Variants in ITGAD observed in about 807,000 individuals in gnomAD.
The protein encoded by ITGAD is integrin subunit alpha D.
A neutral mutation model predicts 139.0 loss-of-function variants in ITGAD; 105 were observed. The observed-to-expected ratio is 0.76, with a 90% CI of 0.65 to 0.89. The LOEUF (loss-of-function observed/expected upper bound fraction) is 0.89, where lower values mean the gene tolerates loss of function less well. Among genes scored for constraint, ITGAD ranks in the 40% least tolerant of loss-of-function variants. The pLI is 0.00. For missense variants in ITGAD, 1,384 were observed against 1,487.3 expected (o/e 0.93, Z 1.14); for synonymous variants, 569 against 598.3 (o/e 0.95, Z 0.71).
At chr16:31,410,083 G>A (rs1017199906) in intron 10 of ITGAD, among the ~76,000 whole-genome samples, 1 of 152,086 alleles carries the variant, frequency 6.6e-6, no homozygotes, top group Non-Finnish European at 1.5e-5. Context: ...AGGTACCACC[G>A]TAAGGGCCTT....
At chr16:31,408,730 CAGAT>C (rs1234618642) in intron 10 of ITGAD, 1 of 509,734 alleles carries the variant, frequency 2.0e-6, no homozygotes, top group Non-Finnish European at 3.6e-6. Flanking sequence ...AAGAGCCTCT[CAGAT>C]AGCACTAAGC....
At chr16:31,416,318 T>G in intron 19 of ITGAD, 32 bp downstream of exon 19, 1 of 1,573,184 alleles carries the variant, frequency 6.4e-7, no homozygotes. Flanking sequence ...ATCCAGACAC[T>G]CAGGCTTCTG....
At position 31,415,295 on chromosome 16, in the gene ITGAD, T is replaced by C. The variant is rs147745565; in HGVS notation, c.2283+304T>C. ...GTTGTATCCTCCCACCCATTTTCCA[T>C]AGAGGAGCTAGAGTCGACTGGTCCT... On this transcript the variant is annotated intron_variant, in intron 18 of 29. Transcript: ENST00000389202. 4.1e-3 allele frequency among the ~76,000 whole-genome samples: 626 copies of C among 152,222 alleles called. 4 individuals are homozygous for C. The highest frequency in any genetic ancestry group is 0.014 in the African/African-American group (575 of 41,524).
chr16:31,404,232 C>G (rs1324879213), intron 7 of ITGAD: 1 of 153,666 alleles, frequency 6.5e-6, no homozygotes, highest in Admixed American at 6.4e-5. Context: ...TGCGCACCCC[C>G]TGTGCTACCC....
At chr16:31,394,376 C>G (rs776742678) in intron 2 of ITGAD, 35 bp downstream of exon 2, 1 of 1,502,858 alleles carries the variant, frequency 6.7e-7, no homozygotes, top group South Asian at 1.1e-5. Flanking sequence ...CCAACCTCCA[C>G]TACATCAAGT....
intron 20 of ITGAD, among the ~76,000 whole-genome samples, chr16:31,417,265 A>G (rs1237005122): frequency 7.2e-6 from 1 of 139,420 alleles, no homozygotes; most frequent in Non-Finnish European, 1.6e-5. Flanking sequence ...TTTTAGAGAC[A>G]GGGTCTCACC....
In ITGAD at chr16:31,414,606, G is replaced by A; in HGVS notation, c.2151+1G>A. On this transcript the variant is annotated splice_donor_variant, in intron 17 of 29. Coordinates refer to ENST00000389202, the MANE Select transcript of ITGAD (RefSeq NM_005353.3). LOFTEE classifies it high-confidence loss of function. ...TGAAACCCTGAAGCTGCTTTTGCCA[G>A]TGAGGACTTTGGGTTCTGGGAAGGG... 6.2e-7 allele frequency: 1 copy of A among 1,614,038 alleles called. No homozygotes were observed. The highest frequency in any genetic ancestry group is 8.5e-7 in the Non-Finnish European group (1 of 1,179,906).
In ITGAD at chr16:31,397,409, G is replaced by A. The variant is rs763017246; in HGVS notation, c.188G>A (p.Arg63Gln). The change falls in exon 3 of 30, where the codon CGG (arginine) becomes CAG (glutamine). Residue 63 changes from arginine (R) to glutamine (Q), a missense_variant. By Grantham distance (43) the Arg-to-Gln change is conservative. Transcript: ENST00000389202. ...LEVVAANQTG[R>Q]LYDCAAATGM... ...GTGGTGGCGGCCAACCAGACGGGAC[G>A]GCTGTATGACTGCGCAGCTGCCACC... 52 of 1,604,698 alleles carry A rather than the reference G, an allele frequency of 3.2e-5. No homozygotes were observed. The highest frequency in any genetic ancestry group is 1.6e-4 in the Middle Eastern group (1 of 6,068).
intron 20 of ITGAD, among the ~76,000 whole-genome samples, chr16:31,417,127 T>C (rs1259421821): frequency 1.3e-5 from 2 of 149,426 alleles, no homozygotes; most frequent in African/African-American, 4.9e-5. Context: ...CACTGCAGCC[T>C]AGACCTCTTG....
chr16:31,394,035 G>A (rs528197217), intron 1 of ITGAD, among the ~76,000 whole-genome samples: 1 of 150,672 alleles, frequency 6.6e-6, no homozygotes, highest in South Asian at 2.1e-4. Context: ...GGAAGCTGAG[G>A]CAAGAGAATC....
chr16:31,402,050 C>T, intron 5 of ITGAD, 65 bp from the exon 6 acceptor site: 1 of 1,565,604 alleles, frequency 6.4e-7, no homozygotes, highest in Non-Finnish European at 8.7e-7. Flanking sequence ...CTCTGTTGAG[C>T]AGGAGCTGCA....
chr16:31,416,281 C>T lies in ITGAD; in HGVS notation c.2352C>T (p.Phe784=), dbSNP rs1298084059. 6.2e-7 allele frequency: 1 copy of T among 1,601,392 alleles called. No homozygotes were observed. The highest frequency in any genetic ancestry group is 8.5e-7 in the Non-Finnish European group (1 of 1,172,708). ...CEGDLGVTLS[F]SGLQTLTVGS... ...GGGACCTGGGTGTCACCCTCAGCTT[C>T]TCAGGGTGAGCTGTAACTCCCTTCA... The change falls in exon 19 of 30, where the codon TTC becomes TTT. Residue 784 remains phenylalanine, a synonymous_variant. Transcript: ENST00000389202.
intron 2 of ITGAD, among the ~76,000 whole-genome samples, chr16:31,397,151 C>G (rs1051260933): frequency 1.4e-5 from 2 of 139,874 alleles, no homozygotes; most frequent in Admixed American, 1.5e-4. Flanking sequence ...TATGCACACT[C>G]AAAACCAAAT....
intron 9 of ITGAD, 126 bp from the exon 10 acceptor site, chr16:31,408,299 C>T (rs2081591300): frequency 2.6e-6 from 2 of 772,346 alleles, no homozygotes; most frequent in Non-Finnish European, 4.4e-6. Flanking sequence ...ATGGGCCATT[C>T]CTGTTCACAA....
rs2081831095 is a variant in ITGAD at position 31,414,523 on chromosome 16, A to G, written c.2069A>G (p.Asn690Ser). Reference sequence around the variant, plus strand: ...CGTCTGACTTCTCGTGCCATTTTCAATGAAACCAAGAACCCCACTTTGACT... The same window carrying G: ...CGTCTGACTTCTCGTGCCATTTTCAGTGAAACCAAGAACCCCACTTTGACT... The part of the protein sequence containing the change: ...PGRLTSRAIF[N>S]ETKNPTLTRR... The change falls in exon 17 of 30, where the codon AAT becomes AGT. Residue 690 changes from asparagine to serine, a missense_variant. Asn to Ser is a conservative substitution (Grantham distance 46, BLOSUM62 1). Transcript: ENST00000389202. The G allele has an allele frequency of 6.2e-7, 1 of 1,614,206 alleles. No individual in the cohort carries two copies. Among genetic ancestry groups the G allele is most frequent in the Non-Finnish European group, 8.5e-7 (1 of 1,180,036 alleles).
intron 5 of ITGAD, among the ~76,000 whole-genome samples, chr16:31,400,601 C>T (rs1471038530): frequency 2.6e-5 from 4 of 152,182 alleles, no homozygotes; most frequent in Admixed American, 6.5e-5. Context: ...TCTGAGGTCA[C>T]TTGGGAATGT....
At chr16:31,394,723 G>A (rs1269446304) in intron 2 of ITGAD, among the ~76,000 whole-genome samples, 1 of 152,196 alleles carries the variant, frequency 6.6e-6, no homozygotes, top group Non-Finnish European at 1.5e-5. Flanking sequence ...CCAGGCTGGA[G>A]TGCAGTGGTG....
chr16:31,397,433 C>T lies in ITGAD; in HGVS notation c.212C>T (p.Thr71Ile). The change falls in exon 3 of 30, where the codon ACC becomes ATC. Residue 71 changes from threonine to isoleucine, a missense_variant. Coordinates refer to ENST00000389202, the MANE Select transcript of ITGAD (RefSeq NM_005353.3). The stretch of plus-strand genomic sequence containing the variant: ...CGGCTGTATGACTGCGCAGCTGCCA[C>T]CGGCATGTGCCAGCCCATCCCGCTG... ...TGRLYDCAAA[T>I]GMCQPIPLHI... The T allele has an allele frequency of 6.2e-7, 1 of 1,600,594 alleles. No individual in the cohort carries two copies. The highest frequency in any genetic ancestry group is 8.5e-7 in the Non-Finnish European group (1 of 1,173,880).
At position 31,403,717 on chromosome 16, in the gene ITGAD, C is replaced by A; in HGVS notation, c.704+72C>A. 6.3e-7 allele frequency: 1 copy of A among 1,575,522 alleles called. No homozygotes were observed. Among genetic ancestry groups the A allele is most frequent in the Non-Finnish European group, 8.7e-7 (1 of 1,150,294 alleles). On this transcript the variant is annotated intron_variant, in intron 7 of 29. Coordinates refer to ENST00000389202, the MANE Select transcript of ITGAD (RefSeq NM_005353.3). This position sits in a 1 kb window ranked among gnomAD's most constrained non-coding sequence, Gnocchi z 4.4. ...TTCCTAACCCTGGGTCAGCACAGCTCTTCTCAGAGGCTGAGGGAGGCTCCA... is the reference window on the plus strand; with the variant it reads ...TTCCTAACCCTGGGTCAGCACAGCTATTCTCAGAGGCTGAGGGAGGCTCCA...
Sources: gnomAD v4.1 joint callset for allele counts (sites outside exome capture counted in the v4.1 genomes callset) on GRCh38, gnomAD v4.1.1 for gene constraint, Gnocchi (gnomAD v3.1) non-coding constraint, MANE v1.5 for transcripts, NCBI Gene and HGNC (gene_info 2026-07-23, HGNC 2026-07-21) for gene names.